Variants in PLCB1 observed in about 807,000 individuals in gnomAD.
The protein encoded by PLCB1 is phospholipase C beta 1.
In PLCB1, 46 loss-of-function variants were observed where a neutral mutation model predicts 161.8. That is an observed-to-expected ratio of 0.28 (90% CI 0.22 to 0.36). The LOEUF (loss-of-function observed/expected upper bound fraction) is 0.36. PLCB1 is among the 10% of genes least tolerant of loss of function. The pLI is 1.00. For missense variants in PLCB1, 1,016 were observed against 1,472.5 expected, an observed-to-expected ratio of 0.69 and a Z score of 5.07; for synonymous variants, 517 against 503.7, an observed-to-expected ratio of 1.03 and a Z score of -0.35.
chr20:8,559,505 A>C (rs78619857), intron 3 of PLCB1, among the ~76,000 whole-genome samples: 1,564 of 152,092 alleles, frequency 0.01, 22 homozygotes, highest in African/African-American at 0.035. Context: ...TAAACTCTCC[A>C]ATTAAAAACA....
intron 3 of PLCB1, among the ~76,000 whole-genome samples, chr20:8,409,427 A>G (rs1388222283): frequency 6.6e-6 from 1 of 150,620 alleles, no homozygotes; most frequent in East Asian, 2.0e-4. Flanking sequence ...TACTGCTCAT[A>G]TGGAATGTAT....
At chr20:8,824,403 T>C (rs557550301) in intron 31 of PLCB1, among the ~76,000 whole-genome samples, 15 of 134,612 alleles carry the variant, frequency 1.1e-4, no homozygotes, top group African/African-American at 3.0e-4. Flanking sequence ...GCTGCATGCT[T>C]TCTCTGTCTT....
intron 2 of PLCB1, among the ~76,000 whole-genome samples, chr20:8,270,347 A>T (rs1243730209): frequency 6.6e-6 from 1 of 152,142 alleles, no homozygotes; most frequent in African/African-American, 2.4e-5. Context: ...TTTTGGTTCA[A>T]AAATATTTTT....
intron 10 of PLCB1, among the ~76,000 whole-genome samples, chr20:8,687,810 C>G (rs1030328455): frequency 6.6e-6 from 1 of 152,212 alleles, no homozygotes; most frequent in Non-Finnish European, 1.5e-5. Flanking sequence ...GTGCAAGTAT[C>G]TTTTTCAAAT....
At chr20:8,441,900 G>A (rs999787357) in intron 3 of PLCB1, among the ~76,000 whole-genome samples, 17 of 152,130 alleles carry the variant, frequency 1.1e-4, no homozygotes, top group African/African-American at 4.1e-4. Flanking sequence ...TTAATTCAAA[G>A]AAGCATTGTA....
intron 3 of PLCB1, among the ~76,000 whole-genome samples, chr20:8,493,394 T>A (rs1243638184): frequency 6.6e-6 from 1 of 152,234 alleles, no homozygotes; most frequent in Admixed American, 6.5e-5. Context: ...ATAACAAATT[T>A]AATTTTCATG....
intron 3 of PLCB1, among the ~76,000 whole-genome samples, chr20:8,556,542 A>G (rs921844181): frequency 6.6e-6 from 1 of 152,076 alleles, no homozygotes; most frequent in Non-Finnish European, 1.5e-5. Flanking sequence ...CCTATGCTCA[A>G]AAGATTTGAG....
At chr20:8,460,663 A>G (rs979007526) in intron 3 of PLCB1, among the ~76,000 whole-genome samples, 2 of 152,154 alleles carry the variant, frequency 1.3e-5, no homozygotes, top group African/African-American at 4.8e-5. Flanking sequence ...TTTTTCCTAA[A>G]AGTTCCTCAC....
chr20:8,289,313 C>G (rs1348396986), intron 2 of PLCB1, among the ~76,000 whole-genome samples: 2 of 152,118 alleles, frequency 1.3e-5, no homozygotes, highest in African/African-American at 4.8e-5. Flanking sequence ...ACACAAGTCC[C>G]CTGTGGATCT....
intron 24 of PLCB1, 65 bp from the exon 25 acceptor site, chr20:8,760,342 T>C: frequency 1.1e-6 from 1 of 949,418 alleles, no homozygotes; most frequent in Non-Finnish European, 1.6e-6. Context: ...TATGTTTGTT[T>C]GTTTACAGGA....
intron 2 of PLCB1, among the ~76,000 whole-genome samples, chr20:8,224,672 A>C (rs1979584574): frequency 6.6e-6 from 1 of 152,172 alleles, no homozygotes; most frequent in South Asian, 2.1e-4. Context: ...AAAGTTTATA[A>C]TTCAAAATAA....
intron 31 of PLCB1, among the ~76,000 whole-genome samples, chr20:8,819,116 A>G (rs538427032): frequency 2.0e-5 from 3 of 152,328 alleles, no homozygotes; most frequent in South Asian, 2.1e-4. Flanking sequence ...GATTCATCAC[A>G]TATCAAAAAT....
chr20:8,619,721 C>T (rs1028760000), intron 3 of PLCB1, among the ~76,000 whole-genome samples: 3 of 152,070 alleles, frequency 2.0e-5, no homozygotes, highest in East Asian at 1.9e-4. Flanking sequence ...ATGACTTGTC[C>T]TTTAGCACTC....
At chr20:8,809,004 T>A (rs1403008921) in intron 31 of PLCB1, among the ~76,000 whole-genome samples, 2 of 152,322 alleles carry the variant, frequency 1.3e-5, no homozygotes, top group South Asian at 2.1e-4. Context: ...AAGCACTTTT[T>A]AAATTTTTTT....
chr20:8,745,977 G>A (rs1389302800), intron 23 of PLCB1, among the ~76,000 whole-genome samples: 1 of 152,188 alleles, frequency 6.6e-6, no homozygotes, highest in Admixed American at 6.5e-5. Context: ...TGTCGTCCAG[G>A]CTGGAGTGCA....
rs1169778896 is a variant in PLCB1, at chr20:8,262,640, A to G, written c.178-108742A>G. Among the ~76,000 whole-genome samples the G allele has an allele frequency of 2.6e-5, 4 of 152,298 alleles. No homozygotes were observed. The East Asian group carries it at 7.7e-4, about 29-fold the overall frequency. ...TTATCTGAATGTTTTATGCTCCCCA[A>G]AATTTGAGCTCTCTTTTCGTACAGG... On this transcript the variant is annotated intron_variant, in intron 2 of 31. Coordinates refer to ENST00000338037, the MANE Select transcript of PLCB1 (RefSeq NM_015192.4).
At chr20:8,170,086 C>G (rs1377647225) in intron 2 of PLCB1, among the ~76,000 whole-genome samples, 1 of 152,128 alleles carries the variant, frequency 6.6e-6, no homozygotes, top group African/African-American at 2.4e-5. Context: ...GATTCTGCTC[C>G]TGTTCTCTTT....
At chr20:8,804,926 C>T (rs538964846) in intron 31 of PLCB1, among the ~76,000 whole-genome samples, 27 of 143,202 alleles carry the variant, frequency 1.9e-4, no homozygotes, top group African/African-American at 6.1e-4. Flanking sequence ...CCCTTGAACC[C>T]GGAAGGTGAT....
intron 10 of PLCB1, among the ~76,000 whole-genome samples, chr20:8,689,439 C>G (rs1335241092): frequency 6.6e-6 from 1 of 152,092 alleles, no homozygotes. Context: ...AGGAAGAATG[C>G]TTTCAGCTTT....
Sources: gnomAD v4.1 joint callset for allele counts (sites outside exome capture counted in the v4.1 genomes callset) on GRCh38, gnomAD v4.1.1 for gene constraint, MANE v1.5 for transcripts, NCBI Gene and HGNC (gene_info 2026-07-23, HGNC 2026-07-21) for gene names.